GALNT13: variants seen among roughly 807,000 people sequenced by gnomAD.
The protein encoded by GALNT13 is polypeptide N-acetylgalactosaminyltransferase 13.
GALNT13 carries 28 observed loss-of-function variants against 64.2 expected under a neutral mutation model. That is an observed-to-expected ratio of 0.44 (90% CI 0.32 to 0.60). The LOEUF (loss-of-function observed/expected upper bound fraction) is 0.60. Ranked by LOEUF, GALNT13 falls within the 20% of genes least tolerant of loss-of-function variation. GALNT13 has a pLI of 0.05. For synonymous variants in GALNT13, 214 were observed against 224.6 expected (o/e 0.95, Z 0.42); for missense variants, 577 against 669.8 (o/e 0.86, Z 1.53).
the GALNT13 span, among the ~76,000 whole-genome samples, chr2:153,367,077 T>C: frequency 1.3e-5 from 2 of 151,508 alleles, no homozygotes; most frequent in African/African-American, 4.8e-5. Flanking sequence ...ATTAAATGTT[T>C]AGACAGAAGG....
chr2:154,374,604 C>A (rs1297355249), intron 9 of GALNT13, among the ~76,000 whole-genome samples: 3 of 152,138 alleles, frequency 2.0e-5, no homozygotes, highest in Non-Finnish European at 4.4e-5. Flanking sequence ...TTCAAGTACT[C>A]TAACTATACC....
At chr2:153,154,454 C>T in the GALNT13 span, among the ~76,000 whole-genome samples, 19 of 152,074 alleles carry the variant, frequency 1.2e-4, no homozygotes, top group African/African-American at 3.4e-4. Flanking sequence ...AGAAAATGTA[C>T]GAATACACCT....
At chr2:153,297,022 C>A in the GALNT13 span, among the ~76,000 whole-genome samples, 67,408 of 151,834 alleles carry the variant, frequency 0.44, 15,300 homozygotes, top group Non-Finnish European at 0.49. Context: ...AGAGTATATT[C>A]CATCTCCTTT....
intron 3 of GALNT13, among the ~76,000 whole-genome samples, chr2:153,991,581 A>T (rs1695159076): frequency 6.6e-6 from 1 of 152,138 alleles, no homozygotes; most frequent in Admixed American, 6.6e-5. Flanking sequence ...CTCTTTGGCC[A>T]CTTTACAAGA....
At chr2:153,384,994 A>T in the GALNT13 span, among the ~76,000 whole-genome samples, 1 of 151,858 alleles carries the variant, frequency 6.6e-6, no homozygotes, top group Non-Finnish European at 1.5e-5. Context: ...TTCACTACAG[A>T]TTTTTTTTAA....
At chr2:154,178,746 C>T (rs987088495) in intron 4 of GALNT13, among the ~76,000 whole-genome samples, 2 of 152,068 alleles carry the variant, frequency 1.3e-5, no homozygotes, top group Admixed American at 1.3e-4. Flanking sequence ...TCCCTGTTGC[C>T]GGCATCATGG....
the GALNT13 span, among the ~76,000 whole-genome samples, chr2:153,115,454 T>C: frequency 6.6e-6 from 1 of 152,230 alleles, no homozygotes; most frequent in African/African-American, 2.4e-5. Context: ...AGTAAAGCTT[T>C]TTCTCATGTT....
At chr2:153,723,076 C>T in the GALNT13 span, among the ~76,000 whole-genome samples, 2 of 150,266 alleles carry the variant, frequency 1.3e-5, no homozygotes, top group South Asian at 4.3e-4. Context: ...CAAACCGAAT[C>T]CAGCAGCACA....
At chr2:153,614,076 G>A in the GALNT13 span, among the ~76,000 whole-genome samples, 2 of 151,832 alleles carry the variant, frequency 1.3e-5, no homozygotes, top group Admixed American at 6.6e-5. Flanking sequence ...GGCTATTACT[G>A]GAAGGAACTA....
At chr2:153,479,966 G>A in the GALNT13 span, among the ~76,000 whole-genome samples, 1 of 151,742 alleles carries the variant, frequency 6.6e-6, no homozygotes, top group African/African-American at 2.4e-5. Context: ...TCTTTCAGCT[G>A]TAACAGCTGG....
rs150202458 is a variant in GALNT13 at position 154,144,287 on chromosome 2, C to T, written c.311+3782C>T. 4.1e-3 allele frequency among the ~76,000 whole-genome samples: 626 copies of T among 152,140 alleles called. 5 individuals carry two copies. Among genetic ancestry groups the T allele is most frequent in the African/African-American group, 0.015 (612 of 41,506 alleles). On this transcript the variant is annotated intron_variant, in intron 4 of 12. Coordinates refer to ENST00000392825, the MANE Select transcript of GALNT13 (RefSeq NM_052917.4). ...GGAACAACTAATGTTGAAAAACTTA[C>T]CATGAGTCACATATCCAAACTGTTA... is the stretch of plus-strand genomic sequence containing the variant.
intron 12 of GALNT13, among the ~76,000 whole-genome samples, chr2:154,440,679 TAATTA>T (rs1303822437): frequency 5.3e-5 from 8 of 152,134 alleles, no homozygotes; most frequent in Admixed American, 5.2e-4. Context: ...TTATATAGCT[TAATTA>T]AATTCTCTTA....
At chr2:154,380,174 C>A (rs896351780) in intron 9 of GALNT13, among the ~76,000 whole-genome samples, 1 of 151,974 alleles carries the variant, frequency 6.6e-6, no homozygotes, top group African/African-American at 2.4e-5. Flanking sequence ...TTGTATATAT[C>A]ATTCTATTTA....
At chr2:153,126,296 G>GTATATATA in the GALNT13 span, among the ~76,000 whole-genome samples, 5 of 118,852 alleles carry the variant, frequency 4.2e-5, no homozygotes, top group East Asian at 2.4e-4. Flanking sequence ...TATTGATTTT[G>GTATATATA]TATATATATA....
chr2:153,659,353 A>G, the GALNT13 span, among the ~76,000 whole-genome samples: 8 of 152,166 alleles, frequency 5.3e-5, no homozygotes, highest in Middle Eastern at 3.4e-3. Flanking sequence ...ACCAACATAT[A>G]TTAAATGTCT....
At chr2:154,126,964 G>T (rs1197777686) in intron 3 of GALNT13, among the ~76,000 whole-genome samples, 2 of 152,070 alleles carry the variant, frequency 1.3e-5, no homozygotes, top group Non-Finnish European at 2.9e-5. Flanking sequence ...TGCTGCAATG[G>T]AATAAGAACC....
chr2:153,272,506 A>G, the GALNT13 span, among the ~76,000 whole-genome samples: 1 of 152,218 alleles, frequency 6.6e-6, no homozygotes, highest in East Asian at 1.9e-4. Flanking sequence ...AAACATATGA[A>G]AAAAAAGCTC....
chr2:153,406,956 T>C, the GALNT13 span, among the ~76,000 whole-genome samples: 1 of 152,306 alleles, frequency 6.6e-6, no homozygotes, highest in African/African-American at 2.4e-5. Flanking sequence ...AATTCAGATA[T>C]ATAAATTGAA....
At chr2:153,753,868 C>CCTTA in the GALNT13 span, among the ~76,000 whole-genome samples, 1 of 152,200 alleles carries the variant, frequency 6.6e-6, no homozygotes, top group African/African-American at 2.4e-5. Context: ...GAGTCAAAAA[C>CCTTA]CTTAAACATT....
Sources: gnomAD v4.1 joint callset for allele counts (sites outside exome capture counted in the v4.1 genomes callset) on GRCh38, gnomAD v4.1.1 for gene constraint, MANE v1.5 for transcripts, NCBI Gene and HGNC (gene_info 2026-07-23, HGNC 2026-07-21) for gene names.